Variants in CEP112 observed in about 807,000 individuals in gnomAD.
CEP112 encodes the protein centrosomal protein of 112 kDa.
In CEP112, 127 loss-of-function variants were observed where a neutral mutation model predicts 153.0. The observed-to-expected ratio is 0.83, with a 90% confidence interval of 0.72 to 0.96. The LOEUF (loss-of-function observed/expected upper bound fraction) is 0.96. Ranked by LOEUF, CEP112 falls within the 40% of genes least tolerant of loss-of-function variation. The pLI is 0.00. For synonymous variants in CEP112, 358 were observed against 374.4 expected (o/e 0.96, Z 0.51); for missense variants, 1,089 against 1,101.2 (o/e 0.99, Z 0.16).
chr17:65,746,639 T>C (rs916096362), intron 22 of CEP112, among the ~76,000 whole-genome samples: 2 of 152,172 alleles, frequency 1.3e-5, no homozygotes, highest in African/African-American at 2.4e-5. Flanking sequence ...TAGCTCAGTG[T>C]ATGTAATAAC....
Position 66,179,483 on chromosome 17 carries a change from T to C in CEP112, c.107-2463A>G, listed in dbSNP as rs187237776. On this transcript the variant is annotated intron_variant, in intron 2 of 26. Coordinates refer to ENST00000535342, the MANE Select transcript of CEP112 (RefSeq NM_001199165.4). ...TGAGATTACTTTCTTGATTTCTTTT[T>C]CAGATTGTTTGCTGTTGGCATATAG... Among the ~76,000 whole-genome samples the C allele has an allele frequency of 3.0e-3, 454 of 152,294 alleles. 2 individuals are homozygous for C. The highest frequency in any genetic ancestry group is 6.2e-3 in the South Asian group (30 of 4,824).
chr17:66,071,758 G>A (rs894411236), intron 8 of CEP112, among the ~76,000 whole-genome samples: 10 of 152,124 alleles, frequency 6.6e-5, no homozygotes, highest in Non-Finnish European at 1.5e-4. Context: ...GCAACCAAGA[G>A]AAAGCAGGCC....
intron 20 of CEP112, among the ~76,000 whole-genome samples, chr17:65,896,098 A>G (rs143853129): frequency 1.1e-3 from 175 of 152,252 alleles, no homozygotes; most frequent in African/African-American, 3.9e-3. Flanking sequence ...ACTTTATGGT[A>G]TTATTTAGAA....
At chr17:65,929,900 G>A (rs1456946247) in intron 18 of CEP112, among the ~76,000 whole-genome samples, 1 of 152,156 alleles carries the variant, frequency 6.6e-6, no homozygotes, top group Non-Finnish European at 1.5e-5. Flanking sequence ...CTTTGTCCAT[G>A]TTATGATCAG....
chr17:65,662,311 C>T (rs2046427869), intron 24 of CEP112, among the ~76,000 whole-genome samples: 1 of 152,160 alleles, frequency 6.6e-6, no homozygotes. Context: ...AAAACCAGTG[C>T]AACCTTAAGA....
chr17:65,766,631 G>C (rs1472878201), intron 21 of CEP112, among the ~76,000 whole-genome samples: 1 of 151,610 alleles, frequency 6.6e-6, no homozygotes, highest in African/African-American at 2.4e-5. Flanking sequence ...TGCTTCCTAT[G>C]AGAGACCCAC....
intron 23 of CEP112, among the ~76,000 whole-genome samples, chr17:65,718,089 A>G (rs1321339522): frequency 6.6e-6 from 1 of 152,226 alleles, no homozygotes; most frequent in East Asian, 1.9e-4. Context: ...AGTTGCATTT[A>G]CTATTTAAAT....
At chr17:65,988,879 A>G (rs745485905) in intron 17 of CEP112, among the ~76,000 whole-genome samples, 8 of 152,068 alleles carry the variant, frequency 5.3e-5, no homozygotes, top group Non-Finnish European at 1.2e-4. Flanking sequence ...ATAAAAGAAA[A>G]CTTTCCAAAA....
At chr17:65,750,848 A>G (rs2051795122) in intron 21 of CEP112, 124 bp from the exon 22 acceptor site, 1 of 785,772 alleles carries the variant, frequency 1.3e-6, no homozygotes, top group Non-Finnish European at 2.2e-6. Flanking sequence ...GCAGCCAGAA[A>G]ACCACAGGGC....
chr17:66,080,664 A>G (rs2067679975), intron 8 of CEP112, among the ~76,000 whole-genome samples: 1 of 152,248 alleles, frequency 6.6e-6, no homozygotes, highest in Non-Finnish European at 1.5e-5. Context: ...ATTACTGGGT[A>G]TATACCCAAA....
intron 21 of CEP112, among the ~76,000 whole-genome samples, chr17:65,798,633 T>A (rs2055076712): frequency 6.6e-6 from 1 of 152,232 alleles, no homozygotes; most frequent in Non-Finnish European, 1.5e-5. Context: ...CCTGATGACA[T>A]GCTTAATACC....
At chr17:66,149,180 T>C (rs879260851) in intron 4 of CEP112, among the ~76,000 whole-genome samples, 1 of 152,236 alleles carries the variant, frequency 6.6e-6, no homozygotes, top group African/African-American at 2.4e-5. Flanking sequence ...AAGTTACGAA[T>C]AAATCTCATT....
chr17:65,758,408 G>A (rs2052413201), intron 21 of CEP112, among the ~76,000 whole-genome samples: 1 of 152,118 alleles, frequency 6.6e-6, no homozygotes, highest in Non-Finnish European at 1.5e-5. Context: ...CAATTAGAAA[G>A]GGGGAAAAAT....
intron 12 of CEP112, among the ~76,000 whole-genome samples, chr17:66,037,435 C>T (rs77454727): frequency 0.017 from 2,626 of 152,070 alleles, 87 homozygotes; most frequent in African/African-American, 0.059. Context: ...AATGTCACTG[C>T]GGTATTATGA....
intron 25 of CEP112, among the ~76,000 whole-genome samples, chr17:65,639,096 T>C (rs2044950630): frequency 6.6e-6 from 1 of 152,064 alleles, no homozygotes. Context: ...GTGAACAAAA[T>C]TTCATAGCCC....
intron 24 of CEP112, among the ~76,000 whole-genome samples, chr17:65,679,129 C>CTTTCTTTTTTTTTTTTTTTTTT (rs2047379965): frequency 3.2e-5 from 1 of 31,612 alleles, no homozygotes; most frequent in Non-Finnish European, 6.0e-5. Flanking sequence ...GTGGTTCAAG[C>CTTTCTTTTTTTTTTTTTTTTTT]TTTTTTTTTT....
At position 66,029,088 on chromosome 17, in the gene CEP112, AC is replaced by A. The variant is rs779951243; in HGVS notation, c.1503+34del. 3 of 1,513,992 alleles carry A rather than the reference AC, an allele frequency of 2.0e-6. No homozygotes were observed. The African/African-American group carries it at 4.2e-5, about 21-fold the overall frequency. 93.8% of individuals were successfully genotyped at this position (1,513,992 alleles called of 1,614,324 possible). On this transcript the variant is annotated intron_variant, in intron 14 of 26. Coordinates refer to ENST00000535342, the MANE Select transcript of CEP112 (RefSeq NM_001199165.4). Reference sequence around the variant, plus strand: ...ATGGCTCTAGGCTTAGTGAATAAATACTTCATGTGGATTATCTATTAACATA... The same window carrying A: ...ATGGCTCTAGGCTTAGTGAATAAATATTCATGTGGATTATCTATTAACATA...
Position 65,902,265 on chromosome 17 carries a change from C to T in CEP112, c.2050G>A (p.Asp684Asn). ...HLLQQHNAEK[D>N]SLVRDHEREI... is the part of the protein sequence containing the mutation. ...CGTTCATGGTCTCGGACTAGGCTAT[C>T]CTTCTCTGCGTTATGCTGCTGTAAT... The change falls in exon 20 of 27, where the codon GAT becomes AAT. Residue 684 changes from aspartate to asparagine, a missense_variant. Asp to Asn is a conservative substitution (Grantham distance 23, BLOSUM62 1). Transcript: ENST00000535342. 6.2e-7 allele frequency: 1 copy of T among 1,613,972 alleles called. No individual in the cohort carries two copies. Among genetic ancestry groups the T allele is most frequent in the Non-Finnish European group, 8.5e-7 (1 of 1,179,970 alleles).
intron 8 of CEP112, among the ~76,000 whole-genome samples, chr17:66,084,211 TG>T (rs1009260875): frequency 2.0e-5 from 3 of 152,162 alleles, no homozygotes; most frequent in Non-Finnish European, 2.9e-5. Flanking sequence ...ACTGGGTTGG[TG>T]GGAATGTAAA....
Sources: gnomAD v4.1 joint callset for allele counts (sites outside exome capture counted in the v4.1 genomes callset) on GRCh38, gnomAD v4.1.1 for gene constraint, MANE v1.5 for transcripts, NCBI Gene and HGNC (gene_info 2026-07-23, HGNC 2026-07-21) for gene names.